The following MTUS2 variants were observed in gnomAD, a reference collection of about 807,000 sequenced individuals.
MTUS2 encodes the protein microtubule associated scaffold protein 2, also known as microtubule-associated tumor suppressor candidate 2.
A neutral mutation model predicts 114.1 loss-of-function variants in MTUS2; 40 were observed. That is an observed-to-expected ratio of 0.35 (90% confidence interval 0.27 to 0.46). MTUS2 has a LOEUF of 0.46. Among genes scored for constraint, MTUS2 ranks in the 20% least tolerant of loss-of-function variants. The pLI is 1.00. For synonymous variants in MTUS2, 688 were observed against 672.0 expected (o/e 1.02, Z -0.37); for missense variants, 1,679 against 1,705.4 (o/e 0.98, Z 0.27).
At chr13:28,933,377 T>G (rs933874985) in intron 2 of MTUS2, among the ~76,000 whole-genome samples, 4 of 152,170 alleles carry the variant, frequency 2.6e-5, no homozygotes, top group Admixed American at 1.3e-4. Context: ...CCTTCCAGAT[T>G]GGGAAACTTC....
chr13:28,882,348 A>G (rs1238468153), intron 2 of MTUS2, among the ~76,000 whole-genome samples: 1 of 152,162 alleles, frequency 6.6e-6, no homozygotes, highest in Non-Finnish European at 1.5e-5. Flanking sequence ...ACGCCCGGCC[A>G]AAAATTATTT....
At chr13:29,363,114 G>C (rs891689424) in intron 8 of MTUS2, among the ~76,000 whole-genome samples, 2 of 151,972 alleles carry the variant, frequency 1.3e-5, no homozygotes, top group African/African-American at 4.8e-5. Flanking sequence ...ACGGACTCGC[G>C]CTCCTTAGGG....
At chr13:29,351,167 T>C (rs777779726) in intron 7 of MTUS2, among the ~76,000 whole-genome samples, 22 of 151,948 alleles carry the variant, frequency 1.4e-4, no homozygotes, top group South Asian at 4.2e-4. Context: ...TTTTTCTTTT[T>C]CCAAGATCTT....
chr13:29,284,652 T>C (rs551847822), intron 6 of MTUS2, among the ~76,000 whole-genome samples: 1 of 152,348 alleles, frequency 6.6e-6, no homozygotes, highest in East Asian at 1.9e-4. Context: ...CAATGGTATA[T>C]ACCTCAGATT....
chr13:29,321,957 T>C (rs150806118), intron 6 of MTUS2, among the ~76,000 whole-genome samples: 117 of 152,318 alleles, frequency 7.7e-4, no homozygotes, highest in Admixed American at 2.6e-3. Context: ...AGCTATGACA[T>C]CCTTTTTAAT....
intron 5 of MTUS2, among the ~76,000 whole-genome samples, chr13:29,245,481 C>T (rs1402332918): frequency 6.6e-6 from 1 of 152,174 alleles, no homozygotes; most frequent in Non-Finnish European, 1.5e-5. Context: ...AGCAACTGCA[C>T]TGGATAACAG....
In MTUS2 at chr13:29,220,548, G is replaced by T. The variant is rs949383349; in HGVS notation, c.2645-61156G>T. ...ATATTGTTGTGCCTTGGGGAATAGG[G>T]AGTCCCAAGGAGAGGGAGAGGGACA... On this transcript the variant is annotated intron_variant, in intron 5 of 15. Coordinates refer to ENST00000612955, the MANE Select transcript of MTUS2 (RefSeq NM_001033602.4). Among the ~76,000 whole-genome samples the T allele has an allele frequency of 2.0e-5, 3 of 152,172 alleles. No homozygotes were observed. The East Asian group carries it at 5.8e-4, about 29-fold the overall frequency.
At chr13:29,351,510 C>T (rs1474938034) in intron 7 of MTUS2, among the ~76,000 whole-genome samples, 2 of 152,182 alleles carry the variant, frequency 1.3e-5, no homozygotes, top group Non-Finnish European at 2.9e-5. Flanking sequence ...TTCCCCATCC[C>T]GGTTCCCGTG....
At chr13:29,227,993 T>C (rs1395031868) in intron 5 of MTUS2, among the ~76,000 whole-genome samples, 1 of 152,240 alleles carries the variant, frequency 6.6e-6, no homozygotes, top group Non-Finnish European at 1.5e-5. Flanking sequence ...TTGTGAATTA[T>C]TGCATCCTTT....
At chr13:29,443,334 G>C (rs1878035113) in intron 9 of MTUS2, among the ~76,000 whole-genome samples, 1 of 152,208 alleles carries the variant, frequency 6.6e-6, no homozygotes, top group Non-Finnish European at 1.5e-5. Context: ...TGTGTCCCCT[G>C]ATGCAATTGG....
intron 5 of MTUS2, among the ~76,000 whole-genome samples, chr13:29,158,145 C>A (rs972349790): frequency 7.9e-5 from 12 of 152,210 alleles, no homozygotes; most frequent in African/African-American, 2.4e-4. Flanking sequence ...CTGTCCCTCC[C>A]GGACTCCCTC....
chr13:29,377,404 TACTTTGTTGTACA>T (rs765731769), intron 8 of MTUS2, among the ~76,000 whole-genome samples: 6 of 152,160 alleles, frequency 3.9e-5, no homozygotes, highest in Non-Finnish European at 7.4e-5. Flanking sequence ...TTCTCTGACA[TACTTTGTTGTACA>T]AAAAAGATTT....
intron 6 of MTUS2, among the ~76,000 whole-genome samples, chr13:29,285,968 C>G (rs1172876419): frequency 6.6e-6 from 1 of 152,162 alleles, no homozygotes; most frequent in Non-Finnish European, 1.5e-5. Flanking sequence ...CTCTTTTGCC[C>G]AGGCTGGAAT....
chr13:29,196,738 C>T (rs930273508), intron 5 of MTUS2, among the ~76,000 whole-genome samples: 2 of 152,142 alleles, frequency 1.3e-5, no homozygotes, highest in Admixed American at 1.3e-4. Context: ...TTTCATTTAG[C>T]GTGATGTCTC....
At chr13:29,019,252 G>A (rs948151364) in intron 2 of MTUS2, among the ~76,000 whole-genome samples, 23 of 152,150 alleles carry the variant, frequency 1.5e-4, no homozygotes, top group African/African-American at 5.6e-4. Context: ...CCTGAGGAGT[G>A]CTGATCAGAT....
chr13:29,175,519 G>C (rs1893737006), intron 5 of MTUS2, among the ~76,000 whole-genome samples: 1 of 152,234 alleles, frequency 6.6e-6, no homozygotes, highest in African/African-American at 2.4e-5. Flanking sequence ...AAAGAAAGCA[G>C]CCTGTGTAGA....
chr13:29,044,800 T>G (rs545258170), intron 4 of MTUS2, among the ~76,000 whole-genome samples: 1 of 152,232 alleles, frequency 6.6e-6, no homozygotes. Context: ...AAGGCTGATA[T>G]GAAGATATCA....
intron 5 of MTUS2, among the ~76,000 whole-genome samples, chr13:29,111,421 G>A (rs1003506833): frequency 6.6e-6 from 1 of 152,130 alleles, no homozygotes; most frequent in Non-Finnish European, 1.5e-5. Flanking sequence ...GAGCATCTTG[G>A]ATTATTAGTC....
intron 4 of MTUS2, among the ~76,000 whole-genome samples, chr13:29,082,548 G>A (rs1226090629): frequency 2.6e-5 from 4 of 152,190 alleles, no homozygotes; most frequent in African/African-American, 7.2e-5. Flanking sequence ...AAGGTCTGAG[G>A]AAAGGGGAGG....
Sources: allele counts gnomAD v4.1 joint callset (sites outside exome capture counted in the v4.1 genomes callset), GRCh38; gene constraint gnomAD v4.1.1; transcripts MANE v1.5; gene names NCBI Gene and HGNC (gene_info 2026-07-23, HGNC 2026-07-21).